Variants in LDLRAD4 observed in about 807,000 individuals in gnomAD.
The protein encoded by LDLRAD4 is low density lipoprotein receptor class A domain containing 4.
In LDLRAD4, 5 loss-of-function variants were observed where a neutral mutation model predicts 17.0. The observed-to-expected ratio is 0.29, with a 90% CI of 0.15 to 0.62. LDLRAD4 has a LOEUF of 0.62. LDLRAD4 is among the 20% of genes least tolerant of loss of function. The pLI is 0.84. For synonymous variants in LDLRAD4, 168 were observed against 171.8 expected (o/e 0.98, Z 0.17); for missense variants, 340 against 424.7 (o/e 0.80, Z 1.75).
At chr18:13,308,646 CT>C in intron 1 of LDLRAD4, among the ~76,000 whole-genome samples, 1 of 152,318 alleles carries the variant, frequency 6.6e-6, no homozygotes, top group South Asian at 2.1e-4. Flanking sequence ...ATTTGCATTT[CT>C]TTTACTGGAA....
At chr18:13,240,631 T>TGCATGTGTGCATGC (rs2042589904) in intron 1 of LDLRAD4, 1 of 152,336 alleles carries the variant, frequency 6.6e-6, no homozygotes, top group Non-Finnish European at 1.5e-5. Context: ...TGTGCTTGTG[T>TGCATGTGTGCATGC]GCATGTGTGC....
At chr18:13,447,880 C>G (rs1049280547) in intron 3 of LDLRAD4, among the ~76,000 whole-genome samples, 2 of 152,168 alleles carry the variant, frequency 1.3e-5, no homozygotes, top group African/African-American at 4.8e-5. Context: ...TCTCTAAGGA[C>G]ACGCAATGAG....
chr18:13,576,421 CAAAAA>C (rs60116058), intron 3 of LDLRAD4, among the ~76,000 whole-genome samples: 102 of 90,292 alleles, frequency 1.1e-3, no homozygotes, highest in African/African-American at 3.7e-3. Context: ...GACTCTGTCT[CAAAAA>C]AAAAAAAAAA....
chr18:13,344,884 T>C (rs1293424817), intron 1 of LDLRAD4, among the ~76,000 whole-genome samples: 3 of 152,230 alleles, frequency 2.0e-5, no homozygotes, highest in African/African-American at 4.8e-5. Context: ...TCTCTGTTTG[T>C]CTGCTGTTGG....
At chr18:13,512,013 A>G (rs12955640) in intron 3 of LDLRAD4, among the ~76,000 whole-genome samples, 96,554 of 152,102 alleles carry the variant, frequency 0.63, 31,443 homozygotes, top group South Asian at 0.73. Flanking sequence ...ACATTTCTTT[A>G]TGCATAGAAA....
chr18:13,475,099 G>C (rs543151850), intron 3 of LDLRAD4, among the ~76,000 whole-genome samples: 1 of 152,308 alleles, frequency 6.6e-6, no homozygotes, highest in Non-Finnish European at 1.5e-5. Context: ...GACTCCAGAG[G>C]GAAGTGGAGC....
intron 3 of LDLRAD4, among the ~76,000 whole-genome samples, chr18:13,516,663 A>G (rs1241268226): frequency 1.3e-5 from 2 of 152,218 alleles, no homozygotes; most frequent in African/African-American, 2.4e-5. Flanking sequence ...GTGTATTTCA[A>G]TCCTAAAAAG....
chr18:13,581,553 A>G (rs2094857901), intron 3 of LDLRAD4, among the ~76,000 whole-genome samples: 1 of 152,236 alleles, frequency 6.6e-6, no homozygotes, highest in African/African-American at 2.4e-5. Flanking sequence ...TCATCCAGCT[A>G]TAAAATTGCA....
In LDLRAD4 at chr18:13,236,525, T is replaced by C. The variant is rs192406666; in HGVS notation, c.-467+17537T>C. 4.5e-3 allele frequency: 685 copies of C among 152,270 alleles called. 4 individuals are homozygous for C. The highest frequency in any genetic ancestry group is 6.8e-3 in the Middle Eastern group (2 of 296). The allele number at this position is 152,270 out of a possible 1,614,324, so 9.4% of individuals were successfully genotyped here. A position where few individuals can be genotyped will look rare whatever the true frequency, so the allele number is the denominator to read the frequency against. ...GGTTTCTCCATGTTGGTCAGGCTAG[T>C]CTCAAACTCAGGTGATCCGCCCTCA... is the stretch of plus-strand genomic sequence containing the variant. On this transcript the variant is annotated intron_variant, in intron 1 of 5. Transcript: ENST00000399848.
chr18:13,306,991 G>A (rs1006747268), intron 1 of LDLRAD4, among the ~76,000 whole-genome samples: 4 of 152,304 alleles, frequency 2.6e-5, no homozygotes, highest in Admixed American at 6.5e-5. Flanking sequence ...AGAAGAAGCA[G>A]TGCCAGAAAA....
At chr18:13,484,641 A>G (rs1345455550) in intron 3 of LDLRAD4, among the ~76,000 whole-genome samples, 2 of 152,092 alleles carry the variant, frequency 1.3e-5, no homozygotes, top group African/African-American at 2.4e-5. Flanking sequence ...AAGACCAACG[A>G]ATCACTTTCT....
intron 1 of LDLRAD4, among the ~76,000 whole-genome samples, chr18:13,337,740 TAA>T (rs5823248): frequency 5.9e-5 from 8 of 135,728 alleles, no homozygotes; most frequent in Admixed American, 7.1e-5. Flanking sequence ...TTACAAAAAG[TAA>T]AAAAAAAAAA....
chr18:13,585,200 C>G (rs1199841963), intron 3 of LDLRAD4, among the ~76,000 whole-genome samples: 1 of 152,226 alleles, frequency 6.6e-6, no homozygotes, highest in South Asian at 2.1e-4. Flanking sequence ...GTCAATACAT[C>G]AGCTTTGCTG....
chr18:13,574,596 C>T (rs145438741), intron 3 of LDLRAD4, among the ~76,000 whole-genome samples: 172 of 152,296 alleles, frequency 1.1e-3, no homozygotes, highest in African/African-American at 3.8e-3. Flanking sequence ...TAACTTTCCT[C>T]GCTGCCTGAG....
intron 1 of LDLRAD4, among the ~76,000 whole-genome samples, chr18:13,310,019 T>G (rs1335205006): frequency 6.6e-6 from 1 of 152,102 alleles, no homozygotes; most frequent in Non-Finnish European, 1.5e-5. Flanking sequence ...ATCTGCAGAA[T>G]GGCTTTGTCC....
upstream of LDLRAD4, chr18:13,217,773 A>T (rs1472494771): frequency 1.3e-5 from 2 of 150,854 alleles, no homozygotes; most frequent in Non-Finnish European, 3.0e-5. This position sits in a 1 kb window ranked among gnomAD's most constrained non-coding sequence, Gnocchi z 4.9. Flanking sequence ...CGGGATTAGC[A>T]GGCGAGTGCG....
intron 1 of LDLRAD4, among the ~76,000 whole-genome samples, chr18:13,242,778 T>A (rs1425667484): frequency 3.9e-5 from 6 of 152,264 alleles, no homozygotes; most frequent in Non-Finnish European, 8.8e-5. Context: ...TTAGATGTAC[T>A]GTTTTACTTA....
At chr18:13,593,344 T>A (rs999608025) in intron 3 of LDLRAD4, among the ~76,000 whole-genome samples, 1 of 152,168 alleles carries the variant, frequency 6.6e-6, no homozygotes, top group Non-Finnish European at 1.5e-5. Flanking sequence ...AAAAACAGTC[T>A]TGTTTCTCCA....
At chr18:13,219,766 A>G (rs1358690198) in intron 1 of LDLRAD4, among the ~76,000 whole-genome samples, 1 of 152,242 alleles carries the variant, frequency 6.6e-6, no homozygotes, top group Non-Finnish European at 1.5e-5. Flanking sequence ...CAAGAATGGC[A>G]TCCTCCTCTC....
Sources: allele counts gnomAD v4.1 joint callset (sites outside exome capture counted in the v4.1 genomes callset), GRCh38; gene constraint gnomAD v4.1.1; non-coding constraint Gnocchi (gnomAD v3.1); transcripts MANE v1.5; gene names NCBI Gene and HGNC (gene_info 2026-07-23, HGNC 2026-07-21).